The following KDM5C variants were observed in gnomAD, a reference collection of about 807,000 sequenced individuals.
The protein encoded by KDM5C is lysine-specific demethylase 5C.
A neutral mutation model predicts 110.6 loss-of-function variants in KDM5C; 16 were observed. That is an observed-to-expected ratio of 0.14 (90% CI 0.10 to 0.22). The LOEUF is 0.22. KDM5C is among the 10% of genes least tolerant of loss of function. The pLI is 1.00. For missense variants in KDM5C, 681 were observed against 1,300.9 expected (o/e 0.52, Z 7.33); for synonymous variants, 511 against 520.4 (o/e 0.98, Z 0.24).
At position 53,217,765 on chromosome X, in the gene KDM5C, G is replaced by A. The variant is rs201630186; in HGVS notation, c.522+31C>T. The A allele has an allele frequency of 7.8e-4, 938 of 1,203,171 alleles. 10 individuals carry two copies. Among genetic ancestry groups the A allele is most frequent in the Non-Finnish European group, 1.4e-4 (128 of 889,232 alleles). ...GTGGAAATCTGTGCTGAAGGGTAAA[G>A]CCGCACCCTGCCCCACTGTGACATC... On this transcript the variant is annotated intron_variant, in intron 4 of 25. Transcript: ENST00000375401.
chrX:53,205,302 G>T (rs4532742), intron 12 of KDM5C, among the ~76,000 whole-genome samples: 1 of 111,321 alleles, frequency 9.0e-6, no homozygotes, highest in African/African-American at 3.3e-5. Context: ...AATTAATTTG[G>T]GGAGAATTAA....
intron 25 of KDM5C, among the ~76,000 whole-genome samples, chrX:53,180,719 C>CTTTTTTTT (rs1173641591): frequency 1.3e-4 from 4 of 30,277 alleles, no homozygotes; most frequent in Non-Finnish European, 2.1e-4. Context: ...CCACACCCGG[C>CTTTTTTTT]TTTTTTTTTT....
At chrX:53,197,699 G>A in intron 18 of KDM5C, 72 bp downstream of exon 18, 1 of 856,584 alleles carries the variant, frequency 1.2e-6, no homozygotes, top group Non-Finnish European at 1.7e-6. Flanking sequence ...CTTTTGAAAG[G>A]AGCCAAGCAT....
chrX:53,192,129 G>A (rs1221739025), downstream of KDM5C: 2 of 174,384 alleles, frequency 1.1e-5, no homozygotes, highest in East Asian at 8.1e-5. Flanking sequence ...TGTCTTCCCC[G>A]TCTAAGAGAA....
intron 1 of KDM5C, among the ~76,000 whole-genome samples, chrX:53,224,098 T>C (rs1368660992): frequency 5.4e-5 from 6 of 112,091 alleles, no homozygotes; most frequent in African/African-American, 2.0e-4. Flanking sequence ...TGAGTCAACC[T>C]ACATAGGAAT....
chrX:53,224,709 G>A (rs2146977712), intron 1 of KDM5C, 31 bp downstream of exon 1: 1 of 1,210,070 alleles, frequency 8.3e-7, no homozygotes, highest in Non-Finnish European at 1.1e-6. Flanking sequence ...ATTCCGTCTC[G>A]CCGCCGGCGA....
At chrX:53,218,141 G>A in intron 3 of KDM5C, 135 bp downstream of exon 3, 2 of 884,555 alleles carry the variant, frequency 2.3e-6, no homozygotes, top group Non-Finnish European at 3.3e-6. Flanking sequence ...ATGTTCTGAT[G>A]ACAGCTTGTG....
intron 22 of KDM5C, 53 bp from the exon 23 acceptor site, chrX:53,194,791 C>A: frequency 1.4e-5 from 17 of 1,203,520 alleles, no homozygotes; most frequent in Non-Finnish European, 1.5e-5. Context: ...CCCTTCCCTT[C>A]TCTGGGCCCC....
chrX:53,198,686 C>G lies in KDM5C; in HGVS notation c.2369-49G>C, dbSNP rs782722050. The G allele has an allele frequency of 1.7e-5, 21 of 1,209,706 alleles. No individual in the cohort carries two copies. The African/African-American group carries it at 3.7e-4, about 21-fold the overall frequency. The stretch of plus-strand genomic sequence containing the variant: ...AAGAGTAGGCAGTATTGAATAGAGG[C>G]AGAGGAAGGGGGTCAGAGTACAGAA... On this transcript the variant is annotated intron_variant, in intron 16 of 25. Coordinates refer to ENST00000375401, the MANE Select transcript of KDM5C (RefSeq NM_004187.5).
intron 25 of KDM5C, among the ~76,000 whole-genome samples, chrX:53,180,901 TG>T (rs1292703928): frequency 9.4e-6 from 1 of 106,802 alleles, no homozygotes; most frequent in Non-Finnish European, 1.9e-5. Context: ...GCTAATTTTT[TG>T]TATTTTTAGT....
intron 18 of KDM5C, 98 bp from the exon 19 acceptor site, chrX:53,197,142 C>T (rs903375015): frequency 1.5e-6 from 1 of 652,679 alleles, no homozygotes; most frequent in Non-Finnish European, 2.4e-6. Context: ...TCTTACCCTC[C>T]AAGCTTTTGG....
At chrX:53,221,730 C>T (rs1178079989) in intron 1 of KDM5C, 54 of 981,689 alleles carry the variant, frequency 5.5e-5, no homozygotes, top group Non-Finnish European at 7.0e-5. Context: ...CATACACCTG[C>T]CTGGTACAGG....
Position 53,192,876 on chromosome X carries a change from C to CCCCCCCCCCCCCCCAAA in KDM5C, c.*90_*91insTTTGGGGGGGGGGGGGG. 1.0e-6 allele frequency: 1 copy of CCCCCCCCCCCCCCCAAA among 987,045 alleles called. No homozygotes were observed. 81.3% of individuals were successfully genotyped at this position (987,045 alleles called of 1,213,427 possible). A position where few individuals can be genotyped will look rare whatever the true frequency, so the allele number is the denominator to read the frequency against. On this transcript the variant is annotated 3_prime_UTR_variant, in exon 26 of 26. Transcript: ENST00000375401. ...AGGGATGGCCACCCCCCTACCCGCC[C>CCCCCCCCCCCCCCCAAA]ACCCCCCAAGAAGCAGGCTTGATGG...
At chrX:53,219,139 C>T (rs2073830882) in intron 2 of KDM5C, among the ~76,000 whole-genome samples, 1 of 112,591 alleles carries the variant, frequency 8.9e-6, no homozygotes, top group African/African-American at 3.2e-5. Context: ...CTGCCTTGAG[C>T]AAATCAGTTC....
At chrX:53,179,181 C>G (rs1466811051) in intron 25 of KDM5C, among the ~76,000 whole-genome samples, 1 of 108,796 alleles carries the variant, frequency 9.2e-6, no homozygotes, top group Non-Finnish European at 1.9e-5. Context: ...TTGCAGTGAG[C>G]CAAGATCGTG....
intron 25 of KDM5C, among the ~76,000 whole-genome samples, chrX:53,181,844 AGT>A (rs1452955258): frequency 3.7e-5 from 4 of 108,554 alleles, no homozygotes; most frequent in African/African-American, 1.3e-4. Context: ...GCTGGAGTGC[AGT>A]GGAGCGATCT....
At chrX:53,176,742 C>T (rs1312250176) in intron 25 of KDM5C, among the ~76,000 whole-genome samples, 1 of 112,001 alleles carries the variant, frequency 8.9e-6, no homozygotes, top group Non-Finnish European at 1.9e-5. Context: ...TATGTTAAAA[C>T]GTGGATCAAT....
intron 25 of KDM5C, among the ~76,000 whole-genome samples, chrX:53,180,167 A>T (rs954655880): frequency 9.0e-6 from 1 of 111,413 alleles, no homozygotes; most frequent in Non-Finnish European, 1.9e-5. Context: ...TAAGTGAAAG[A>T]AGGCAATCTG....
rs782180827 is a variant in KDM5C at position 53,194,280 on chromosome X, T to C, written c.3897A>G (p.Glu1299=). The part of the protein sequence containing the change: ...QGRARQALAS[E]DVTALLGRLA... ...GCCGTCCCAAAAGAGCAGTCACATC[T>C]TCAGAGGCCAGAGCCTGCCTGGCGC... Residue 1299 remains glutamate (E), a synonymous_variant, in exon 23 of 26, where the codon GAA becomes GAG. Transcript: ENST00000375401. 2.5e-5 allele frequency: 30 copies of C among 1,211,228 alleles called. No individual in the cohort carries two copies. The highest frequency in any genetic ancestry group is 3.2e-5 in the Non-Finnish European group (29 of 895,374).
Sources: allele counts gnomAD v4.1 joint callset (sites outside exome capture counted in the v4.1 genomes callset), GRCh38; gene constraint gnomAD v4.1.1; transcripts MANE v1.5; gene names NCBI Gene and HGNC (gene_info 2026-07-23, HGNC 2026-07-21).